PATJ: variants seen among roughly 807,000 people sequenced by gnomAD.
The protein encoded by PATJ is inaD-like protein.
Under a neutral mutation model 224.9 loss-of-function variants are expected in PATJ, and 190 were observed. The ratio of observed to expected loss-of-function variants is 0.84; its 90% CI spans 0.75 to 0.95. The LOEUF is 0.95. Among genes scored for constraint, PATJ ranks in the 40% least tolerant of loss-of-function variants. PATJ has a pLI of 0.00. For synonymous variants in PATJ, 769 were observed against 820.3 expected (o/e 0.94, Z 1.07); for missense variants, 2,121 against 2,270.3 (o/e 0.93, Z 1.34).
intron 39 of PATJ, among the ~76,000 whole-genome samples, chr1:62,123,915 A>G (rs1205726274): frequency 6.6e-6 from 1 of 152,068 alleles, no homozygotes; most frequent in Non-Finnish European, 1.5e-5. Context: ...TAATTCCTAG[A>G]AATGAAACTT....
rs1669872658 is a variant in PATJ, at chr1:62,161,990, A to G, written c.*936A>G. 6.6e-6 allele frequency: 1 copy of G among 152,198 alleles called. No homozygotes were observed. The highest frequency in any genetic ancestry group is 2.4e-5 in the African/African-American group (1 of 41,452). The allele number at this position is 152,198 out of a possible 1,614,324, so 9.4% of individuals were successfully genotyped here. ...TTCATTTCTCTGGATAGATCTTTAT[A>G]TGCTAGTCATTGGTGATTTTGATGA... On this transcript the variant is annotated 3_prime_UTR_variant, in exon 44 of 44. Coordinates refer to ENST00000642238, the MANE Select transcript of PATJ (RefSeq NM_001350145.3).
intron 27 of PATJ, among the ~76,000 whole-genome samples, chr1:61,986,723 A>T (rs1644778668): frequency 6.6e-6 from 1 of 152,162 alleles, no homozygotes; most frequent in Non-Finnish European, 1.5e-5. Context: ...ATTTATTTTC[A>T]TCACCTATTT....
intron 28 of PATJ, among the ~76,000 whole-genome samples, chr1:62,012,310 T>G (rs1646501815): frequency 6.6e-6 from 1 of 152,190 alleles, no homozygotes. Flanking sequence ...CTTGGGCAAA[T>G]TATAGTTTCA....
intron 41 of PATJ, among the ~76,000 whole-genome samples, chr1:62,138,660 C>T (rs1230746317): frequency 6.6e-6 from 1 of 152,156 alleles, no homozygotes; most frequent in African/African-American, 2.4e-5. Flanking sequence ...CCCACCTCCC[C>T]CATGTTGGAG....
intron 14 of PATJ, among the ~76,000 whole-genome samples, chr1:61,821,642 A>G (rs1350866722): frequency 6.6e-6 from 1 of 152,222 alleles, no homozygotes; most frequent in African/African-American, 2.4e-5. Flanking sequence ...CAGGGATAGA[A>G]GATCACAGAG....
chr1:62,048,417 G>A (rs980639024), intron 30 of PATJ, among the ~76,000 whole-genome samples: 1 of 151,668 alleles, frequency 6.6e-6, no homozygotes, highest in Non-Finnish European at 1.5e-5. Flanking sequence ...CTGGTGGTGG[G>A]TGCCTGCAAT....
chr1:61,864,276 G>A lies in PATJ; in HGVS notation c.2478G>A (p.Val826=). The change falls in exon 20 of 44, where the codon GTG becomes GTA. Residue 826 remains valine, a synonymous_variant. Transcript: ENST00000642238. ...AACCATATTTTAAAGAAGAACTTGT[G>A]GATGAACCATTTCTAGATCTGGGAA... The part of the protein sequence containing the change: ...RDEPYFKEEL[V]DEPFLDLGKS... 4 of 1,612,428 alleles carry A rather than the reference G, an allele frequency of 2.5e-6. No homozygotes were observed. The highest frequency in any genetic ancestry group is 3.4e-6 in the Non-Finnish European group (4 of 1,179,198).
At chr1:62,129,366 G>T (rs577602426) in intron 41 of PATJ, among the ~76,000 whole-genome samples, 40 of 151,884 alleles carry the variant, frequency 2.6e-4, no homozygotes, top group Admixed American at 1.5e-3. Context: ...AGCATAGATT[G>T]CCAACACTGT....
intron 22 of PATJ, among the ~76,000 whole-genome samples, chr1:61,891,097 G>A (rs2149107494): frequency 6.6e-6 from 1 of 152,164 alleles, no homozygotes; most frequent in African/African-American, 2.4e-5. Flanking sequence ...TGTGTCAGAG[G>A]CTGATGTCTG....
At chr1:61,838,255 A>G (rs1041499844) in intron 17 of PATJ, among the ~76,000 whole-genome samples, 12 of 152,130 alleles carry the variant, frequency 7.9e-5, no homozygotes, top group Admixed American at 7.9e-4. Flanking sequence ...GTATTAGGAG[A>G]TTCACTGATC....
At chr1:61,955,941 C>T (rs10889277) in intron 27 of PATJ, among the ~76,000 whole-genome samples, 59,145 of 152,094 alleles carry the variant, frequency 0.39, 13,096 homozygotes, top group East Asian at 0.79. Flanking sequence ...ATTGGAATTA[C>T]TCCAAAAAGC....
At chr1:62,006,260 G>A (rs567103722) in intron 28 of PATJ, among the ~76,000 whole-genome samples, 135 of 152,092 alleles carry the variant, frequency 8.9e-4, no homozygotes, top group Non-Finnish European at 1.7e-3. Flanking sequence ...GATTACAGGC[G>A]CATGCCGCCA....
At chr1:62,134,243 A>G (rs1347468713) in intron 41 of PATJ, among the ~76,000 whole-genome samples, 1 of 134,078 alleles carries the variant, frequency 7.5e-6, no homozygotes, top group Non-Finnish European at 1.6e-5. Context: ...ACAAGGTCTC[A>G]TTATTGGCCT....
At chr1:61,837,341 A>G (rs1660339114) in intron 17 of PATJ, among the ~76,000 whole-genome samples, 1 of 152,238 alleles carries the variant, frequency 6.6e-6, no homozygotes, top group African/African-American at 2.4e-5. Flanking sequence ...TTAGATTACA[A>G]AAATTAATAA....
chr1:61,785,077 G>C (rs1190208099), intron 7 of PATJ, among the ~76,000 whole-genome samples: 1 of 152,144 alleles, frequency 6.6e-6, no homozygotes. Context: ...GAAAAGGAAG[G>C]ATGGAGAATA....
intron 39 of PATJ, among the ~76,000 whole-genome samples, chr1:62,123,730 G>T (rs1471337964): frequency 4.9e-5 from 7 of 142,688 alleles, no homozygotes; most frequent in African/African-American, 1.9e-4. Context: ...ACCTGCCTTG[G>T]CCTCCCAAAG....
At position 62,073,428 on chromosome 1, in the gene PATJ, G is replaced by T. The variant is rs528190231; in HGVS notation, c.4126-6022G>T. The stretch of plus-strand genomic sequence containing the variant: ...GCTTGAGGTCAGGAGTTCCAGACCA[G>T]ACTGGCCAACATAGCAAGTCTGCTA... On this transcript the variant is annotated intron_variant, in intron 31 of 43. Transcript: ENST00000642238. 7.4e-5 allele frequency: 39 copies of T among 525,492 alleles called. No homozygotes were observed. The African/African-American group carries it at 7.6e-4, about 10-fold the overall frequency. The allele number at this position is 525,492 out of a possible 1,614,324, so 32.6% of individuals were successfully genotyped here.
chr1:61,747,746 G>A (rs1645097326), intron 1 of PATJ, among the ~76,000 whole-genome samples: 1 of 152,058 alleles, frequency 6.6e-6, no homozygotes, highest in South Asian at 2.1e-4. Context: ...AACCAAACAG[G>A]GATCTTTCTG....
chr1:61,944,229 C>T (rs1195816214), intron 27 of PATJ, among the ~76,000 whole-genome samples: 10 of 152,132 alleles, frequency 6.6e-5, no homozygotes, highest in Non-Finnish European at 1.0e-4. Context: ...ATGACTTTGA[C>T]GAATTGAGAG....
Sources: allele counts gnomAD v4.1 joint callset (sites outside exome capture counted in the v4.1 genomes callset), GRCh38; gene constraint gnomAD v4.1.1; transcripts MANE v1.5; gene names NCBI Gene and HGNC (gene_info 2026-07-23, HGNC 2026-07-21).